Variants in SLC25A48 observed in about 807,000 individuals in gnomAD.
SLC25A48 encodes the protein solute carrier family 25 member 48.
Under a neutral mutation model 32.2 loss-of-function variants are expected in SLC25A48, and 29 were observed. The observed-to-expected ratio is 0.90, with a 90% CI of 0.67 to 1.23. The LOEUF is 1.23. Ranked by LOEUF, SLC25A48 falls within the 50% of genes most tolerant of loss-of-function variation. The probability of loss-of-function intolerance (pLI) is 0.00; values close to 1 mark genes in which losing one functional copy is unlikely to be tolerated. For missense variants in SLC25A48, 399 were observed against 422.7 expected, an observed-to-expected ratio of 0.94 and a Z score of 0.49; for synonymous variants, 164 against 172.3, an observed-to-expected ratio of 0.95 and a Z score of 0.38.
chr5:135,839,364 G>T (rs1758805381), intron 1 of SLC25A48, among the ~76,000 whole-genome samples: 1 of 152,146 alleles, frequency 6.6e-6, no homozygotes, highest in Admixed American at 6.5e-5. Context: ...AGATTTGGTT[G>T]CCCCACTGGA....
At chr5:135,883,746 G>A (rs7732534) in intron 7 of SLC25A48, among the ~76,000 whole-genome samples, 29 of 152,292 alleles carry the variant, frequency 1.9e-4, no homozygotes, top group African/African-American at 6.7e-4. Context: ...AGAGAGTTTG[G>A]CCCTGGGCTT....
At chr5:135,704,629 C>T (rs923506513) in intron 3 of SLC25A48, among the ~76,000 whole-genome samples, 2 of 152,068 alleles carry the variant, frequency 1.3e-5, no homozygotes, top group African/African-American at 4.8e-5. Context: ...ATGTTAAGAA[C>T]CTTACATGTG....
chr5:135,749,499 A>G (rs1288412058), intron 3 of SLC25A48, among the ~76,000 whole-genome samples: 1 of 152,148 alleles, frequency 6.6e-6, no homozygotes, highest in Non-Finnish European at 1.5e-5. Flanking sequence ...GCTGGGCAGG[A>G]ATCTGATCTG....
chr5:135,648,474 A>G (rs1011736953), intron 3 of SLC25A48: 6 of 152,262 alleles, frequency 3.9e-5, no homozygotes, highest in African/African-American at 1.4e-4. Context: ...ATGCCCTCAG[A>G]AACATTGTGC....
chr5:135,616,672 A>G (rs945677610), intron 1 of SLC25A48, among the ~76,000 whole-genome samples: 4 of 152,190 alleles, frequency 2.6e-5, no homozygotes, highest in African/African-American at 9.7e-5. Context: ...GGACTGTGGA[A>G]TTTTGAATTA....
At chr5:135,718,656 TA>T (rs932555972) in intron 3 of SLC25A48, among the ~76,000 whole-genome samples, 6 of 152,240 alleles carry the variant, frequency 3.9e-5, no homozygotes, top group African/African-American at 1.4e-4. Flanking sequence ...AGCCTTGGAA[TA>T]GTACCCAGCA....
chr5:135,812,431 A>G lies in SLC25A48; in HGVS notation c.-520-92A>G, dbSNP rs555790239. On this transcript the variant is annotated intron_variant, in intron 3 of 10. Transcript: ENST00000646290. ...GAATTAATTTATAGACAAACTGTAG[A>G]CAACAATAGTCCTGGTGATAGGTGG... The G allele has an allele frequency of 3.9e-5, 6 of 152,338 alleles. No individual in the cohort carries two copies. The South Asian group carries it at 1.0e-3, about 26-fold the overall frequency. 9.4% of individuals were successfully genotyped at this position (152,338 alleles called of 1,614,324 possible).
intron 3 of SLC25A48, among the ~76,000 whole-genome samples, chr5:135,807,866 A>G (rs1342980105): frequency 6.7e-6 from 1 of 150,364 alleles, no homozygotes; most frequent in African/African-American, 2.4e-5. Context: ...AATATCATAG[A>G]TATTTTCTTA....
intron 1 of SLC25A48, among the ~76,000 whole-genome samples, chr5:135,593,277 A>G (rs148287469): frequency 6.6e-6 from 1 of 152,232 alleles, no homozygotes; most frequent in Non-Finnish European, 1.5e-5. Context: ...CTGTAGGGCT[A>G]TGTGCATGGC....
chr5:135,612,331 A>AG (rs1369677429), intron 1 of SLC25A48, among the ~76,000 whole-genome samples: 16 of 146,426 alleles, frequency 1.1e-4, no homozygotes, highest in Non-Finnish European at 2.1e-4. Context: ...TATAATGATC[A>AG]AATCAGTGTT....
chr5:135,627,198 C>T (rs531750842), intron 1 of SLC25A48, among the ~76,000 whole-genome samples: 1 of 152,316 alleles, frequency 6.6e-6, no homozygotes, highest in East Asian at 1.9e-4. Context: ...TAACATTTCT[C>T]AGGCCCCCTT....
intron 3 of SLC25A48, chr5:135,649,380 A>G (rs1298028214): frequency 1.3e-5 from 2 of 152,204 alleles, no homozygotes; most frequent in Non-Finnish European, 2.9e-5. Context: ...TTCTTCATCA[A>G]GTGTTGACTG....
chr5:135,600,958 G>A (rs1174195541), intron 1 of SLC25A48: 1 of 151,840 alleles, frequency 6.6e-6, no homozygotes, highest in African/African-American at 2.4e-5. Flanking sequence ...CCAAAGTGCT[G>A]GGATTACAGG....
intron 2 of SLC25A48, among the ~76,000 whole-genome samples, chr5:135,633,097 G>A (rs748378929): frequency 6.6e-6 from 1 of 152,144 alleles, no homozygotes; most frequent in African/African-American, 2.4e-5. Context: ...GATTTCAAGT[G>A]GGGGAGGGCA....
At chr5:135,834,026 C>T (rs146233914), upstream of SLC25A48, among the ~76,000 whole-genome samples, 9 of 152,268 alleles carry the variant, frequency 5.9e-5, no homozygotes, top group Middle Eastern at 3.4e-3. Flanking sequence ...TGGGGGGCTT[C>T]GAGTCTTCTT....
intron 3 of SLC25A48, among the ~76,000 whole-genome samples, chr5:135,785,106 A>C (rs1053290098): frequency 6.6e-6 from 1 of 152,184 alleles, no homozygotes; most frequent in East Asian, 1.9e-4. Context: ...TGAGAGGAAG[A>C]TATTACTCCG....
At chr5:135,732,337 T>C (rs936555796) in intron 3 of SLC25A48, among the ~76,000 whole-genome samples, 2 of 152,048 alleles carry the variant, frequency 1.3e-5, no homozygotes, top group Non-Finnish European at 2.9e-5. Flanking sequence ...ACCGAGGAAT[T>C]ATGTCTGACA....
rs569854257 is a variant in SLC25A48, at chr5:135,838,100, G to C, written c.46+3207G>C. Among the ~76,000 whole-genome samples, 302 of 152,334 alleles carry C rather than the reference G, an allele frequency of 2.0e-3. 2 individuals are homozygous for C. Among genetic ancestry groups the C allele is most frequent in the South Asian group, 3.9e-3 (19 of 4,822 alleles). On this transcript the variant is annotated intron_variant, in intron 1 of 7. Transcript: ENST00000681962. ...CCTGGTTGTGATGGTCTCAGATGGA[G>C]ATGAGGAACTTGTTGGGAACTGGAA...
chr5:135,812,219 G>A (rs1757605373), intron 3 of SLC25A48, among the ~76,000 whole-genome samples: 1 of 152,150 alleles, frequency 6.6e-6, no homozygotes, highest in South Asian at 2.1e-4. Flanking sequence ...GGGTACATGA[G>A]ATATTTTGAT....
Sources: gnomAD v4.1 joint callset for allele counts (sites outside exome capture counted in the v4.1 genomes callset) on GRCh38, gnomAD v4.1.1 for gene constraint, MANE v1.5 for transcripts, NCBI Gene and HGNC (gene_info 2026-07-23, HGNC 2026-07-21) for gene names.